P2RY12: variants seen among roughly 807,000 people sequenced by gnomAD.
The protein encoded by P2RY12 is purinergic receptor P2Y12.
P2RY12 carries 3 observed loss-of-function variants against 4.5 expected under a neutral mutation model. The observed-to-expected ratio is 0.67, with a 90% CI of 0.31 to 1.74. The LOEUF (loss-of-function observed/expected upper bound fraction) is 1.74, where lower values mean the gene tolerates loss of function less well. Ranked by LOEUF, P2RY12 falls within the 40% of genes most tolerant of loss-of-function variation. The pLI, the probability that P2RY12 is intolerant of heterozygous loss-of-function variation, is 0.09. For missense variants in P2RY12, 356 were observed against 407.8 expected (o/e 0.87, Z 1.09); for synonymous variants, 148 against 154.1 (o/e 0.96, Z 0.29).
intron 1 of P2RY12, chr3:151,384,164 TGGG>T (rs772856009): frequency 6.2e-7 from 1 of 1,613,838 alleles, no homozygotes; most frequent in Non-Finnish European, 8.5e-7. Context: ...ATGCATCCCC[TGGG>T]GGATCTGAAG....
chr3:151,381,928 A>G, intron 1 of P2RY12, among the ~76,000 whole-genome samples: 1 of 152,186 alleles, frequency 6.6e-6, no homozygotes. Context: ...GATGACTCTC[A>G]TTAATGACCA....
chr3:151,376,441 T>C (rs960632987), intron 1 of P2RY12, among the ~76,000 whole-genome samples: 1 of 152,170 alleles, frequency 6.6e-6, no homozygotes, highest in East Asian at 1.9e-4. Flanking sequence ...CAGTATTGTA[T>C]TTACATGAGA....
chr3:151,372,498 A>G, intron 1 of P2RY12: 1 of 1,133,982 alleles, frequency 8.8e-7, no homozygotes, highest in Non-Finnish European at 1.3e-6. Context: ...TGCTATCCTC[A>G]TTTGCTCCTC....
chr3:151,338,004 T>C lies in P2RY12; in HGVS notation c.842A>G (p.Glu281Gly). 6.2e-7 allele frequency: 1 copy of C among 1,614,132 alleles called. No homozygotes were observed. The highest frequency in any genetic ancestry group is 8.5e-7 in the Non-Finnish European group (1 of 1,180,002). The change falls in exon 3 of 3, where the codon GAG becomes GGG. Residue 281 changes from glutamate to glycine, a missense_variant. Transcript: ENST00000302632. Reference sequence around the variant, plus strand: ...TAAGGAAGTTAACCACAGAGTGCTCTCTTTCACATAGAACAGAGTATTTTC... The same window carrying C: ...TAAGGAAGTTAACCACAGAGTGCTCCCTTTCACATAGAACAGAGTATTTTC... ...TAENTLFYVK[E>G]STLWLTSLNA...
chr3:151,375,538 T>G (rs1480146239), intron 1 of P2RY12, among the ~76,000 whole-genome samples: 2 of 152,170 alleles, frequency 1.3e-5, no homozygotes, highest in African/African-American at 4.8e-5. Flanking sequence ...AAAAGAGATG[T>G]GCACTACTAC....
chr3:151,355,828 A>G (rs1753847951), intron 1 of P2RY12: 2 of 1,400,772 alleles, frequency 1.4e-6, no homozygotes, highest in African/African-American at 1.5e-5. Context: ...AAAAGTAAAA[A>G]TGATTTATCT....
chr3:151,369,474 C>T (rs201982636), intron 1 of P2RY12: 3 of 1,610,544 alleles, frequency 1.9e-6, no homozygotes, highest in African/African-American at 1.3e-5. Context: ...TTGTGATAGA[C>T]ACCTCTTAGC....
At chr3:151,356,026 A>C in intron 1 of P2RY12, 3 of 1,610,960 alleles carry the variant, frequency 1.9e-6, no homozygotes, top group Non-Finnish European at 2.5e-6. Context: ...GGACTAATTG[A>C]CTTCGCAATA....
intron 1 of P2RY12, among the ~76,000 whole-genome samples, chr3:151,366,769 G>T (rs1755335770): frequency 6.6e-6 from 1 of 152,118 alleles, no homozygotes; most frequent in African/African-American, 2.4e-5. Flanking sequence ...GAAGACTTAA[G>T]AATTTATGTA....
chr3:151,337,680 C>G lies in P2RY12; in HGVS notation c.*137G>C. ...ATACTGGAAAGGTAAATGAAAATTG[C>G]TTTTGTAATCTTCTGTTTCTTTAGA... is the stretch of plus-strand genomic sequence containing the variant. On this transcript the variant is annotated 3_prime_UTR_variant, in exon 3 of 3. Transcript: ENST00000302632. The G allele has an allele frequency of 2.3e-6, 2 of 859,808 alleles. No individual in the cohort carries two copies. The highest frequency in any genetic ancestry group is 1.8e-5 in the South Asian group (1 of 56,622). The allele number at this position is 859,808 out of a possible 1,614,324, so 53.3% of individuals were successfully genotyped here.
At position 151,338,708 on chromosome 3, in the gene P2RY12, C is replaced by T. The variant is rs368849296; in HGVS notation, c.138G>A (p.Ala46=). 20 of 1,613,348 alleles carry T rather than the reference C, an allele frequency of 1.2e-5. No individual in the cohort carries two copies. In the Middle Eastern group the frequency reaches 6.6e-4, roughly 53 times the overall value. ...TCCGGATTTGAAAGAAAATCCTCAT[C>T]GCCAGGCCATTTGTGATAAGTCCAA... ...FFVGLITNGL[A]MRIFFQIRSK... Residue 46 remains alanine, a synonymous_variant, in exon 3 of 3, where the codon GCG becomes GCA. Transcript: ENST00000302632.
intron 1 of P2RY12, among the ~76,000 whole-genome samples, chr3:151,343,280 T>A (rs1354615315): frequency 3.3e-5 from 5 of 152,236 alleles, no homozygotes; most frequent in Non-Finnish European, 7.3e-5. Flanking sequence ...CAATCTGCCA[T>A]ATTACTAATT....
At chr3:151,377,140 A>G in intron 1 of P2RY12, 1 of 1,613,904 alleles carries the variant, frequency 6.2e-7, no homozygotes, top group Non-Finnish European at 8.5e-7. Context: ...GTGCTGATAC[A>G]AGTAGCACGA....
chr3:151,355,454 T>A (rs1023786590), intron 1 of P2RY12, among the ~76,000 whole-genome samples: 5 of 152,212 alleles, frequency 3.3e-5, no homozygotes, highest in African/African-American at 1.2e-4. Flanking sequence ...GTCCTTATGA[T>A]AATAATCGGT....
intron 1 of P2RY12, chr3:151,349,932 G>T: frequency 2.9e-6 from 2 of 681,138 alleles, no homozygotes. Flanking sequence ...GAGGTGAATT[G>T]AAGGGAGGGC....
intron 1 of P2RY12, chr3:151,376,825 A>G: frequency 3.7e-6 from 6 of 1,614,052 alleles, no homozygotes; most frequent in Non-Finnish European, 5.1e-6. Flanking sequence ...ACACTGAGGC[A>G]ATCCTGGTTA....
chr3:151,349,852 CTT>C (rs112308445), intron 1 of P2RY12, among the ~76,000 whole-genome samples: 2 of 139,658 alleles, frequency 1.4e-5, no homozygotes, highest in Non-Finnish European at 1.6e-5. Flanking sequence ...TCAGTTGACA[CTT>C]TTTTTTTTTT....
chr3:151,344,655 G>C (rs1345633496), intron 1 of P2RY12, among the ~76,000 whole-genome samples: 5 of 152,196 alleles, frequency 3.3e-5, no homozygotes, highest in African/African-American at 1.2e-4. Flanking sequence ...AAATTAGGAA[G>C]TACTGGGAAG....
intron 1 of P2RY12, chr3:151,368,323 T>C (rs911480025): frequency 7.7e-7 from 1 of 1,293,582 alleles, no homozygotes; most frequent in Admixed American, 1.8e-5. Flanking sequence ...CCAAATAGGC[T>C]GTCCCTTTCT....
Sources: allele counts gnomAD v4.1 joint callset (sites outside exome capture counted in the v4.1 genomes callset), GRCh38; gene constraint gnomAD v4.1.1; transcripts MANE v1.5; gene names NCBI Gene and HGNC (gene_info 2026-07-23, HGNC 2026-07-21).